The following B3GAT2 variants were observed in gnomAD, a reference collection of about 807,000 sequenced individuals.
B3GAT2 encodes beta-1,3-glucuronyltransferase 2, also known as galactosylgalactosylxylosylprotein 3-beta-glucuronosyltransferase 2.
A neutral mutation model predicts 27.8 loss-of-function variants in B3GAT2; 26 were observed. The ratio of observed to expected loss-of-function variants is 0.93; its 90% CI spans 0.68 to 1.30. B3GAT2 has a LOEUF of 1.30. Among genes scored for constraint, B3GAT2 ranks in the 50% most tolerant of loss-of-function variants. The probability of loss-of-function intolerance (pLI) is 0.00; values close to 1 mark genes in which losing one functional copy is unlikely to be tolerated. For synonymous variants in B3GAT2, 218 were observed against 195.1 expected (o/e 1.12, Z -0.98); for missense variants, 458 against 459.0 (o/e 1.00, Z 0.02).
Position 70,904,274 on chromosome 6 carries a change from G to A in B3GAT2, c.592-10002C>T, listed in dbSNP as rs548556082. Among the ~76,000 whole-genome samples, 12 of 152,270 alleles carry A rather than the reference G, an allele frequency of 7.9e-5. No homozygotes were observed. In the East Asian group the frequency reaches 2.1e-3, roughly 27 times the overall value. On this transcript the variant is annotated intron_variant, in intron 1 of 3. Transcript: ENST00000230053. ...ATAGGTGACAGGGTGACAGTTCAGG[G>A]TATATGAATTTGCTAACATGAAGCA...
intron 2 of B3GAT2, among the ~76,000 whole-genome samples, chr6:70,893,890 A>G (rs1772333132): frequency 6.6e-6 from 1 of 152,188 alleles, no homozygotes. Flanking sequence ...ATAAAGGCAC[A>G]GACAGGGGAC....
intron 2 of B3GAT2, among the ~76,000 whole-genome samples, chr6:70,871,222 G>GTTTTTTTT (rs11367700): frequency 7.6e-5 from 5 of 65,630 alleles, no homozygotes; most frequent in Admixed American, 1.8e-4. Flanking sequence ...TTTTTTTTTT[G>GTTTTTTTT]TTTTTTTTTT....
intron 2 of B3GAT2, among the ~76,000 whole-genome samples, chr6:70,889,945 C>A (rs569510375): frequency 3.9e-5 from 6 of 152,182 alleles, no homozygotes; most frequent in Non-Finnish European, 8.8e-5. Context: ...CCACGCCCAG[C>A]TAATTTTTGT....
intron 1 of B3GAT2, among the ~76,000 whole-genome samples, chr6:70,909,191 T>A (rs1772649022): frequency 6.6e-6 from 1 of 152,154 alleles, no homozygotes; most frequent in South Asian, 2.1e-4. Flanking sequence ...TTATTTGGTA[T>A]AAGATCACAG....
chr6:70,950,775 T>G (rs1765567305), intron 1 of B3GAT2, among the ~76,000 whole-genome samples: 1 of 152,210 alleles, frequency 6.6e-6, no homozygotes, highest in Non-Finnish European at 1.5e-5. Flanking sequence ...ACAGTACTAT[T>G]ACCTACCTCA....
rs1398626347 is a variant in B3GAT2 at position 70,893,385 on chromosome 6, A to G, written c.736+743T>C. ...TGAAGCCTTTCTGCCTTCATTTTTAAGAGTATAGATGTCACCGAATTTTTT... is the reference window on the plus strand; with the variant it reads ...TGAAGCCTTTCTGCCTTCATTTTTAGGAGTATAGATGTCACCGAATTTTTT... On this transcript the variant is annotated intron_variant, in intron 2 of 3. Coordinates refer to ENST00000230053, the MANE Select transcript of B3GAT2 (RefSeq NM_080742.3). Among the ~76,000 whole-genome samples the G allele has an allele frequency of 2.6e-5, 4 of 151,110 alleles. No individual in the cohort carries two copies. In the East Asian group the frequency reaches 7.8e-4, roughly 30 times the overall value.
chr6:70,858,225 C>T lies in B3GAT2; in HGVS notation c.*3438G>A. On this transcript the variant is annotated 3_prime_UTR_variant, in exon 4 of 4. Transcript: ENST00000230053. ...GCTCAGCAGCCCCAGTGGAGCCTCT[C>T]ACAGGTAGGGGTCATTTACTTTCTA... 1 of 1,605,612 alleles carries T rather than the reference C, an allele frequency of 6.2e-7. No individual in the cohort carries two copies. Among genetic ancestry groups the T allele is most frequent in the Non-Finnish European group, 8.5e-7 (1 of 1,175,938 alleles).
chr6:70,858,285 AT>A lies in B3GAT2; in HGVS notation c.*3377del. ...AAATCAAACCAGATTTATTTTCTAA[AT>A]CTTTTTTTTTTTTTTTTTTTTTTTT... On this transcript the variant is annotated 3_prime_UTR_variant, in exon 4 of 4. Coordinates refer to ENST00000230053, the MANE Select transcript of B3GAT2 (RefSeq NM_080742.3). 1 of 1,019,730 alleles carries A rather than the reference AT, an allele frequency of 9.8e-7. No individual in the cohort carries two copies. The highest frequency in any genetic ancestry group is 1.3e-6 in the Non-Finnish European group (1 of 767,956). The allele number at this position is 1,019,730 out of a possible 1,614,324, so 63.2% of individuals were successfully genotyped here. A position where few individuals can be genotyped will look rare whatever the true frequency, so the allele number is the denominator to read the frequency against.
chr6:70,872,785 T>G (rs1490669685), intron 2 of B3GAT2, among the ~76,000 whole-genome samples: 1 of 151,954 alleles, frequency 6.6e-6, no homozygotes, highest in Non-Finnish European at 1.5e-5. Flanking sequence ...ACTGCCTTCT[T>G]TATTATTAAA....
At chr6:70,952,284 C>T (rs1432590840) in intron 1 of B3GAT2, among the ~76,000 whole-genome samples, 1 of 152,130 alleles carries the variant, frequency 6.6e-6, no homozygotes, top group Non-Finnish European at 1.5e-5. Flanking sequence ...TGAGAGCCAG[C>T]CTGTCTTCCA....
At chr6:70,893,652 ATATCAATAAAGCACTAAACC>A (rs1303925945) in intron 2 of B3GAT2, among the ~76,000 whole-genome samples, 2 of 152,218 alleles carry the variant, frequency 1.3e-5, no homozygotes, top group African/African-American at 4.8e-5. Flanking sequence ...AGTATTAAAT[ATATCAATAAAGCACTAAACC>A]TATCAATAAG....
At chr6:70,902,633 T>TACACACAC (rs200605766) in intron 1 of B3GAT2, among the ~76,000 whole-genome samples, 235 of 144,148 alleles carry the variant, frequency 1.6e-3, no homozygotes, top group African/African-American at 6.1e-3. Flanking sequence ...TATATATATA[T>TACACACAC]ATATACACAC....
chr6:70,899,320 C>T (rs1186911553), intron 1 of B3GAT2, among the ~76,000 whole-genome samples: 4 of 152,150 alleles, frequency 2.6e-5, no homozygotes, highest in Admixed American at 2.6e-4. Flanking sequence ...ACAGAATGGC[C>T]TCAGGTTCTA....
At chr6:70,885,644 C>T (rs767963410) in intron 2 of B3GAT2, among the ~76,000 whole-genome samples, 3 of 152,066 alleles carry the variant, frequency 2.0e-5, no homozygotes, top group Non-Finnish European at 2.9e-5. Flanking sequence ...TAAATACTAC[C>T]GTTAAGAGTG....
At chr6:70,948,842 C>T (rs1039340303) in intron 1 of B3GAT2, among the ~76,000 whole-genome samples, 1 of 152,282 alleles carries the variant, frequency 6.6e-6, no homozygotes, top group Middle Eastern at 3.4e-3. Flanking sequence ...TACTACAAGG[C>T]TACAGTTACC....
chr6:70,906,165 T>A (rs1189816012), intron 1 of B3GAT2, among the ~76,000 whole-genome samples: 1 of 152,156 alleles, frequency 6.6e-6, no homozygotes, highest in Admixed American at 6.5e-5. Context: ...CAACGATCTA[T>A]CTCCTATTCT....
chr6:70,922,741 T>A (rs1772890847), intron 1 of B3GAT2, among the ~76,000 whole-genome samples: 1 of 151,756 alleles, frequency 6.6e-6, no homozygotes, highest in Non-Finnish European at 1.5e-5. Context: ...AAATCAAAGA[T>A]CTAAGTTTTC....
At chr6:70,874,768 C>G (rs1316143672) in intron 2 of B3GAT2, among the ~76,000 whole-genome samples, 1 of 152,082 alleles carries the variant, frequency 6.6e-6, no homozygotes, top group East Asian at 1.9e-4. Flanking sequence ...GCCTTGTGAA[C>G]AGGGTTTTCT....
chr6:70,939,783 T>C (rs1051910213), intron 1 of B3GAT2, among the ~76,000 whole-genome samples: 20 of 151,846 alleles, frequency 1.3e-4, no homozygotes, highest in African/African-American at 4.6e-4. Flanking sequence ...TTAGGAGATA[T>C]ACCTAATGCT....
Sources: allele counts gnomAD v4.1 joint callset (sites outside exome capture counted in the v4.1 genomes callset), GRCh38; gene constraint gnomAD v4.1.1; transcripts MANE v1.5; gene names NCBI Gene and HGNC (gene_info 2026-07-23, HGNC 2026-07-21).